The following LRP1B variants were observed in gnomAD, a reference collection of about 807,000 sequenced individuals.
LRP1B encodes low-density lipoprotein receptor-related protein 1B.
LRP1B carries 217 observed loss-of-function variants against 556.6 expected under a neutral mutation model. That is an observed-to-expected ratio of 0.39 (90% CI 0.35 to 0.44). The LOEUF is 0.44. Ranked by LOEUF, LRP1B falls within the 20% of genes least tolerant of loss-of-function variation. The pLI, the probability that LRP1B is intolerant of heterozygous loss-of-function variation, is 1.00. For synonymous variants in LRP1B, 2,047 were observed against 1,865.8 expected (o/e 1.10, Z -2.50); for missense variants, 5,053 against 5,620.8 (o/e 0.90, Z 3.23).
At chr2:141,358,077 C>A (rs1260762882) in intron 3 of LRP1B, among the ~76,000 whole-genome samples, 2 of 152,126 alleles carry the variant, frequency 1.3e-5, no homozygotes, top group African/African-American at 4.8e-5. Context: ...AATAGGGTAT[C>A]AACTCCTCTT....
chr2:141,386,759 C>T (rs1310734264), intron 3 of LRP1B, among the ~76,000 whole-genome samples: 1 of 151,892 alleles, frequency 6.6e-6, no homozygotes, highest in Non-Finnish European at 1.5e-5. Flanking sequence ...AAAGATAGTT[C>T]TACAATAATA....
chr2:141,881,800 G>C (rs1322605786), intron 1 of LRP1B, among the ~76,000 whole-genome samples: 1 of 152,104 alleles, frequency 6.6e-6, no homozygotes, highest in Admixed American at 6.6e-5. Context: ...TTATCGAAGA[G>C]TCAAATCACC....
At position 141,337,102 on chromosome 2, in the gene LRP1B, TA is replaced by T. The variant is rs369738074; in HGVS notation, c.344-82462del. On this transcript the variant is annotated intron_variant, in intron 3 of 90. Transcript: ENST00000389484. ...CATGATAGCTGTGTATTTAAATGTC[TA>T]AAAAAAACTGCCAAACTGTTTTCCA... Among the ~76,000 whole-genome samples, 920 of 152,136 alleles carry T rather than the reference TA, an allele frequency of 6.0e-3. 11 individuals carry two copies. The highest frequency in any genetic ancestry group is 0.02 in the African/African-American group (839 of 41,492).
chr2:141,656,481 T>C (rs1047049381), intron 2 of LRP1B, among the ~76,000 whole-genome samples: 4 of 152,174 alleles, frequency 2.6e-5, no homozygotes, highest in Admixed American at 2.0e-4. Flanking sequence ...TATCAGGTTA[T>C]GATATTATAA....
chr2:141,124,143 T>C lies in LRP1B; in HGVS notation c.1014-61870A>G, dbSNP rs77397729. On this transcript the variant is annotated intron_variant, in intron 7 of 90. Coordinates refer to ENST00000389484, the MANE Select transcript of LRP1B (RefSeq NM_018557.3). ...AACAAAATAAAACTTTCATAAAATA[T>C]GAAACAAAAGCATAAAAGTGGTGGC... 2.5e-4 allele frequency among the ~76,000 whole-genome samples: 38 copies of C among 152,204 alleles called. No homozygotes were observed. In the East Asian group the frequency reaches 6.8e-3, roughly 27 times the overall value.
At chr2:141,703,752 G>T (rs901993157) in intron 2 of LRP1B, among the ~76,000 whole-genome samples, 2 of 151,892 alleles carry the variant, frequency 1.3e-5, no homozygotes, top group African/African-American at 2.4e-5. Flanking sequence ...TGCTGAGGAT[G>T]CATATAACAG....
Position 141,925,668 on chromosome 2 carries a change from G to A in LRP1B, c.83-115267C>T, listed in dbSNP as rs551017512. Among the ~76,000 whole-genome samples the A allele has an allele frequency of 1.4e-4, 22 of 152,228 alleles. No homozygotes were observed. The South Asian group carries it at 4.1e-3, about 29-fold the overall frequency. On this transcript the variant is annotated intron_variant, in intron 1 of 90. Transcript: ENST00000389484. ...GCCTGGGGTCAGGAAGTTCTGAGCT[G>A]CTCAATATTTCTATTACATTAATGG...
chr2:141,878,682 TA>T (rs370633630), intron 1 of LRP1B, among the ~76,000 whole-genome samples: 60 of 152,142 alleles, frequency 3.9e-4, no homozygotes, highest in East Asian at 1.9e-3. Flanking sequence ...CCTTCCTTAT[TA>T]ATGAACAATT....
At position 141,190,237 on chromosome 2, in the gene LRP1B, G is replaced by A. The variant is rs556578083; in HGVS notation, c.851-1654C>T. On this transcript the variant is annotated intron_variant, in intron 6 of 90. Coordinates refer to ENST00000389484, the MANE Select transcript of LRP1B (RefSeq NM_018557.3). The stretch of plus-strand genomic sequence containing the variant: ...CAGCCATCTGGTCTTTTTTGGAGTC[G>A]TATACTCTGTGGAACCCCAGTGAGT... Among the ~76,000 whole-genome samples, 128 of 151,950 alleles carry A rather than the reference G, an allele frequency of 8.4e-4. 1 individual carries two copies. Among genetic ancestry groups the A allele is most frequent in the Non-Finnish European group, 1.4e-3 (92 of 67,914 alleles).
At chr2:140,837,899 T>A (rs899030225) in intron 31 of LRP1B, among the ~76,000 whole-genome samples, 2 of 152,092 alleles carry the variant, frequency 1.3e-5, no homozygotes, top group African/African-American at 4.8e-5. Flanking sequence ...CACATGTAAC[T>A]AACCTGCACG....
intron 1 of LRP1B, among the ~76,000 whole-genome samples, chr2:141,873,108 G>A (rs1698642084): frequency 6.6e-6 from 1 of 151,936 alleles, no homozygotes; most frequent in African/African-American, 2.4e-5. Context: ...TGGAAAGAAT[G>A]GCACATAAAT....
intron 79 of LRP1B, among the ~76,000 whole-genome samples, chr2:140,332,782 TA>T (rs1039833313): frequency 3.9e-5 from 6 of 152,090 alleles, no homozygotes. Flanking sequence ...ACTACCGTCA[TA>T]AATGACTTTT....
chr2:141,068,185 G>C (rs1415480252), intron 7 of LRP1B, among the ~76,000 whole-genome samples: 1 of 151,960 alleles, frequency 6.6e-6, no homozygotes, highest in African/African-American at 2.4e-5. Flanking sequence ...CATTGAAGCG[G>C]TGTCCTTGTC....
chr2:140,716,045 C>G lies in LRP1B; in HGVS notation c.5951G>C (p.Gly1984Ala), dbSNP rs764911132. 1.7e-5 allele frequency: 27 copies of G among 1,608,806 alleles called. No individual in the cohort carries two copies. The highest frequency in any genetic ancestry group is 3.3e-5 in the Admixed American group (2 of 59,862). The change falls in exon 37 of 91, where the codon GGT becomes GCT. Residue 1984 changes from glycine to alanine, a missense_variant. Transcript: ENST00000389484. ...FNLIEVARLN[G>A]SFRYVIISQG... ...GGAAATAATTACATAACGGAAAGAA[C>G]CATTGAGTCTTGCAACTTCAATTAA...
At chr2:141,011,812 C>A (rs997966251) in intron 14 of LRP1B, among the ~76,000 whole-genome samples, 1 of 151,904 alleles carries the variant, frequency 6.6e-6, no homozygotes, top group Admixed American at 6.6e-5. Flanking sequence ...TCAATGGCAC[C>A]TTTCAGAACA....
chr2:140,856,082 C>T (rs972905267), intron 27 of LRP1B, among the ~76,000 whole-genome samples: 2 of 152,084 alleles, frequency 1.3e-5, no homozygotes, highest in Non-Finnish European at 2.9e-5. Flanking sequence ...CCCAAATATA[C>T]CCACCTCTCT....
chr2:140,622,230 T>A (rs1574153744), intron 41 of LRP1B, among the ~76,000 whole-genome samples: 1 of 152,202 alleles, frequency 6.6e-6, no homozygotes, highest in East Asian at 1.9e-4. Context: ...TAATTACAAA[T>A]GTACAACATA....
At chr2:141,644,729 T>TCACACA (rs3039268) in intron 2 of LRP1B, among the ~76,000 whole-genome samples, 10,720 of 141,468 alleles carry the variant, frequency 0.076, 473 homozygotes, top group African/African-American at 0.099. Context: ...CAGTCATTGA[T>TCACACA]CACACACACA....
chr2:141,716,181 C>T (rs143038299), intron 2 of LRP1B, among the ~76,000 whole-genome samples: 2 of 152,314 alleles, frequency 1.3e-5, no homozygotes, highest in East Asian at 3.9e-4. Flanking sequence ...CACTTTTTAA[C>T]ACTTCTAACA....
Sources: allele counts gnomAD v4.1 joint callset (sites outside exome capture counted in the v4.1 genomes callset), GRCh38; gene constraint gnomAD v4.1.1; transcripts MANE v1.5; gene names NCBI Gene and HGNC (gene_info 2026-07-23, HGNC 2026-07-21).